The following TMEM74 variants were observed in gnomAD, a reference collection of about 807,000 sequenced individuals.
The protein encoded by TMEM74 is transmembrane protein 74.
A neutral mutation model predicts 18.1 loss-of-function variants in TMEM74; 13 were observed. The ratio of observed to expected loss-of-function variants is 0.72; its 90% CI spans 0.47 to 1.14. TMEM74 has a LOEUF of 1.14. TMEM74 is among the 50% of genes most tolerant of loss of function. The pLI, the probability that TMEM74 is intolerant of heterozygous loss-of-function variation, is 0.00. For synonymous variants in TMEM74, 159 were observed against 146.6 expected (o/e 1.08, Z -0.61); for missense variants, 372 against 375.9 (o/e 0.99, Z 0.09).
chr8:108,736,797 C>G (rs1395502581), intron 1 of TMEM74, among the ~76,000 whole-genome samples: 1 of 152,094 alleles, frequency 6.6e-6, no homozygotes, highest in African/African-American at 2.4e-5. Flanking sequence ...GTAGGTCACA[C>G]TAGTGGGCTG....
chr8:108,700,268 A>G (rs1254081680), intron 1 of TMEM74, among the ~76,000 whole-genome samples: 1 of 152,128 alleles, frequency 6.6e-6, no homozygotes, highest in Admixed American at 6.5e-5. Flanking sequence ...CACCACTCAG[A>G]TAGATGCTAA....
At position 108,779,350 on chromosome 8, in the gene TMEM74, T is replaced by C. The variant is rs1361428162; in HGVS notation, c.*4831A>G. On this transcript the variant is annotated 3_prime_UTR_variant, in exon 2 of 2. Transcript: ENST00000297459. The stretch of plus-strand genomic sequence containing the variant: ...ATATGACATTTGTTTGGAGCCTGGC[T>C]AGGAAGCCTGAAGATGGCAGTGAAA... Among the ~76,000 whole-genome samples the C allele has an allele frequency of 1.3e-5, 2 of 152,144 alleles. No individual in the cohort carries two copies. Among genetic ancestry groups the C allele is most frequent in the Admixed American group, 6.5e-5 (1 of 15,270 alleles).
chr8:108,631,852 A>G (rs956370010), intron 2 of TMEM74, among the ~76,000 whole-genome samples: 2 of 152,056 alleles, frequency 1.3e-5, no homozygotes, highest in Admixed American at 6.6e-5. Flanking sequence ...GTTTTGACCA[A>G]TACAAGCCAC....
At chr8:108,685,621 C>A (rs1442116424) in intron 1 of TMEM74, among the ~76,000 whole-genome samples, 1 of 152,056 alleles carries the variant, frequency 6.6e-6, no homozygotes, top group African/African-American at 2.4e-5. Flanking sequence ...ATAAGGGTGC[C>A]TAATTCTATC....
At chr8:108,708,507 TC>T (rs1236526027) in intron 1 of TMEM74, among the ~76,000 whole-genome samples, 10 of 152,084 alleles carry the variant, frequency 6.6e-5, no homozygotes, top group African/African-American at 2.4e-4. Context: ...CACCCTTTTC[TC>T]CGCAGCCTCA....
At chr8:108,694,997 A>G (rs1486416564) in intron 1 of TMEM74, among the ~76,000 whole-genome samples, 1 of 152,204 alleles carries the variant, frequency 6.6e-6, no homozygotes, top group Non-Finnish European at 1.5e-5. Context: ...CTGCAGGAAT[A>G]GCTGGTGCCC....
At position 108,633,064 on chromosome 8, in the gene TMEM74, T is replaced by G. The variant is rs534122393; in HGVS notation, n.264+22229A>C. Among the ~76,000 whole-genome samples, 5 of 152,086 alleles carry G rather than the reference T, an allele frequency of 3.3e-5. No homozygotes were observed. The East Asian group carries it at 5.8e-4, about 18-fold the overall frequency. On this transcript the variant is annotated intron_variant and non_coding_transcript_variant, in intron 2 of 3. Transcript: ENST00000518838. ...TTCAGAGTAATAAAAAAATCACACATTTATGACTTGCATGAAATAAAAACC... is the reference window on the plus strand; with the variant it reads ...TTCAGAGTAATAAAAAAATCACACAGTTATGACTTGCATGAAATAAAAACC...
chr8:108,607,385 A>C (rs2130529460), exon 4 of TMEM74: 1 of 152,340 alleles, frequency 6.6e-6, no homozygotes, highest in Non-Finnish European at 1.5e-5. Context: ...CAAAAATTAG[A>C]ATGTCTAAAA....
Position 108,756,620 on chromosome 8 carries a change from AAGGAAGGAAGGAAGGAAGG to A in TMEM74, n.119+30837_119+30855del, listed in dbSNP as rs1271961041. On this transcript the variant is annotated intron_variant and non_coding_transcript_variant, in intron 1 of 3. Transcript: ENST00000518838. Reference sequence around the variant, plus strand: ...AGAGAAAGGAAGGAAGGAAGGAAGGAAGGAAGGAAGGAAGGAAGGAAGAAAGAAAGAGAAAGAAAGAAAG... The same window carrying A: ...AGAGAAAGGAAGGAAGGAAGGAAGGAAAGAAAGAAAGAGAAAGAAAGAAAG... Among the ~76,000 whole-genome samples the A allele has an allele frequency of 3.6e-4, 33 of 91,226 alleles. 1 individual carries two copies. Among genetic ancestry groups the A allele is most frequent in the African/African-American group, 1.5e-3 (32 of 21,046 alleles). 59.8% of individuals were successfully genotyped at this position (91,226 alleles called of 152,430 possible).
intron 2 of TMEM74, among the ~76,000 whole-genome samples, chr8:108,644,521 C>G (rs891925287): frequency 6.6e-6 from 1 of 152,026 alleles, no homozygotes; most frequent in Non-Finnish European, 1.5e-5. Context: ...TAAACAAAAG[C>G]GCTTCTGCAC....
At chr8:108,707,912 A>G (rs1046324565) in intron 1 of TMEM74, among the ~76,000 whole-genome samples, 1 of 152,222 alleles carries the variant, frequency 6.6e-6, no homozygotes, top group African/African-American at 2.4e-5. Flanking sequence ...AGGGGTACAC[A>G]TCAGGTTTGT....
At chr8:108,744,050 G>A (rs116706189) in intron 1 of TMEM74, among the ~76,000 whole-genome samples, 17 of 152,082 alleles carry the variant, frequency 1.1e-4, no homozygotes, top group African/African-American at 3.4e-4. Context: ...GTGCACCTGC[G>A]CCCTGGGAGG....
At chr8:108,735,496 G>T (rs901908047) in intron 1 of TMEM74, among the ~76,000 whole-genome samples, 1 of 152,192 alleles carries the variant, frequency 6.6e-6, no homozygotes, top group Middle Eastern at 3.4e-3. Flanking sequence ...TTCACTTAGC[G>T]TAATGTTTTG....
At chr8:108,751,433 CT>C (rs1450371786) in intron 1 of TMEM74, among the ~76,000 whole-genome samples, 1 of 152,038 alleles carries the variant, frequency 6.6e-6, no homozygotes, top group East Asian at 1.9e-4. Flanking sequence ...GTTGCACATT[CT>C]TTTTTGCCTT....
intron 1 of TMEM74, among the ~76,000 whole-genome samples, chr8:108,751,954 C>A (rs1813907816): frequency 6.6e-6 from 1 of 152,078 alleles, no homozygotes; most frequent in South Asian, 2.1e-4. Context: ...CATTAGGAAA[C>A]TTTATTAAAG....
rs375744834 is a variant in TMEM74 at position 108,785,404 on chromosome 8, A to G, written c.-39-267T>C. 2.2e-4 allele frequency among the ~76,000 whole-genome samples: 34 copies of G among 152,302 alleles called. No individual in the cohort carries two copies. The East Asian group carries it at 5.8e-3, about 26-fold the overall frequency. On this transcript the variant is annotated intron_variant, in intron 1 of 1. Transcript: ENST00000297459. The stretch of plus-strand genomic sequence containing the variant: ...AGGAAGTGGCAGTGTCTACTGAGAA[A>G]GAATACTGCCGTCACCAAGCCAAAT...
chr8:108,636,791 C>T (rs996878246), intron 2 of TMEM74, among the ~76,000 whole-genome samples: 5 of 146,450 alleles, frequency 3.4e-5, no homozygotes, highest in Non-Finnish European at 5.9e-5. Context: ...AGGAAGTGGC[C>T]GAGTAAAAGA....
chr8:108,737,993 T>G (rs1393433381), intron 1 of TMEM74, among the ~76,000 whole-genome samples: 1 of 152,190 alleles, frequency 6.6e-6, no homozygotes, highest in Non-Finnish European at 1.5e-5. Flanking sequence ...TTTTCTATCA[T>G]GATTTTCATA....
chr8:108,724,765 T>G (rs934832936), intron 1 of TMEM74, among the ~76,000 whole-genome samples: 1 of 152,092 alleles, frequency 6.6e-6, no homozygotes, highest in African/African-American at 2.4e-5. Flanking sequence ...TATTTTGGGG[T>G]GCACTGGGCA....
Sources: gnomAD v4.1 joint callset for allele counts (sites outside exome capture counted in the v4.1 genomes callset) on GRCh38, gnomAD v4.1.1 for gene constraint, MANE v1.5 for transcripts, NCBI Gene and HGNC (gene_info 2026-07-23, HGNC 2026-07-21) for gene names.